The following U2AF2 variants were observed in gnomAD, a reference collection of about 807,000 sequenced individuals.
U2AF2 encodes splicing factor U2AF 65 kDa subunit.
Under a neutral mutation model 52.6 loss-of-function variants are expected in U2AF2, and 6 were observed. The ratio of observed to expected loss-of-function variants is 0.11; its 90% confidence interval spans 0.06 to 0.23. The LOEUF (loss-of-function observed/expected upper bound fraction) is 0.23. U2AF2 is among the 10% of genes least tolerant of loss of function. The pLI, the probability that U2AF2 is intolerant of heterozygous loss-of-function variation, is 1.00. For synonymous variants in U2AF2, 284 were observed against 258.2 expected (o/e 1.10, Z -0.96); for missense variants, 222 against 677.1 (o/e 0.33, Z 7.46).
At position 55,655,076 on chromosome 19, in the gene U2AF2, T is replaced by G. The variant is rs1457128147; in HGVS notation, c.-29T>G. 3 of 1,606,002 alleles carry G rather than the reference T, an allele frequency of 1.9e-6. No homozygotes were observed. Among genetic ancestry groups the G allele is most frequent in the Admixed American group, 3.3e-5 (2 of 59,718 alleles). On this transcript the variant is annotated 5_prime_UTR_variant, in exon 1 of 12. Coordinates refer to ENST00000308924, the MANE Select transcript of U2AF2 (RefSeq NM_007279.3). ...GCGGGCGGCAAGGCGAGGCGAAAGC[T>G]GCACAGGGCCCTACGCGGCCGCCTC...
At chr19:55,669,827 C>G in intron 11 of U2AF2, 135 bp downstream of exon 11, 1 of 1,346,104 alleles carries the variant, frequency 7.4e-7, no homozygotes, top group South Asian at 1.5e-5. Flanking sequence ...TCTCTCTCCT[C>G]TCGCAGCGCG....
intron 7 of U2AF2, among the ~76,000 whole-genome samples, chr19:55,665,492 G>A (rs986486252): frequency 2.5e-5 from 3 of 119,620 alleles, no homozygotes; most frequent in Admixed American, 8.0e-5. Flanking sequence ...CTACGACACA[G>A]GGATTGGCGC....
intron 6 of U2AF2, among the ~76,000 whole-genome samples, chr19:55,663,003 C>G (rs139467825): frequency 3.3e-5 from 5 of 152,130 alleles, no homozygotes; most frequent in Non-Finnish European, 7.4e-5. Flanking sequence ...CCCCAGCTAA[C>G]TGATGTTCCT....
rs761202310 is a variant in U2AF2 at position 55,660,505 on chromosome 19, A to G, written c.231-11A>G. The G allele has an allele frequency of 7.2e-6, 3 of 418,756 alleles. No homozygotes were observed. The highest frequency in any genetic ancestry group is 5.3e-5 in the African/African-American group (1 of 18,810). 25.9% of individuals were successfully genotyped at this position (418,756 alleles called of 1,614,324 possible). ...TTGCCCTGCCCCGCTCTCCCCTCCC[A>G]CCTCCCCCAGTCGTTCCCCCCGCCA... On this transcript the variant is annotated splice_polypyrimidine_tract_variant and intron_variant, in intron 3 of 11. Transcript: ENST00000308924.
At chr19:55,663,437 G>T (rs1023623595) in intron 6 of U2AF2, among the ~76,000 whole-genome samples, 169 bp from the exon 7 acceptor site, 2 of 152,182 alleles carry the variant, frequency 1.3e-5, no homozygotes, top group East Asian at 3.9e-4. Context: ...GTGAGCTCCT[G>T]GCAGCAGGGA....
rs1466600379 is a variant in U2AF2, at chr19:55,668,083, G to A, written c.743-424G>A. 6.6e-6 allele frequency among the ~76,000 whole-genome samples: 1 copy of A among 152,146 alleles called. No individual in the cohort carries two copies. Among genetic ancestry groups the A allele is most frequent in the Non-Finnish European group, 1.5e-5 (1 of 68,026 alleles). ...AGGCGTGAGCCCCCGCGCCCGGCCG[G>A]GACTGAGCTTTAATGGGAGCCTTGC... On this transcript the variant is annotated intron_variant, in intron 7 of 11. Transcript: ENST00000308924. This position sits in a 1 kb window ranked among gnomAD's most constrained non-coding sequence, Gnocchi z 5.5.
chr19:55,671,021 C>T (rs1984883818), intron 11 of U2AF2, among the ~76,000 whole-genome samples: 1 of 152,176 alleles, frequency 6.6e-6, no homozygotes, highest in African/African-American at 2.4e-5. Flanking sequence ...TCTGCAGGGC[C>T]AGATCGGGCG....
chr19:55,672,376 G>A (rs1013529243), intron 11 of U2AF2, among the ~76,000 whole-genome samples: 1 of 151,736 alleles, frequency 6.6e-6, no homozygotes. Context: ...AGGCTTATCA[G>A]GTTTATTTCA....
At position 55,669,454 on chromosome 19, in the gene U2AF2, A is replaced by G. The variant is rs749175675; in HGVS notation, c.1055A>G (p.Asn352Ser). Residue 352 changes from asparagine to serine, a missense_variant, in exon 11 of 12, where the codon AAT (asparagine) becomes AGT (serine). Physicochemically the swap from Asn to Ser is conservative, Grantham distance 46. This residue lies in a region of U2AF2 where 71 missense variants were observed against 180.6 expected (regional missense o/e 0.39). Transcript: ENST00000308924. ...ATLVSPPSTI[N>S]QTPVTLQVPG... ...CCCCTGGCCCCACAGAGCACCATCA[A>G]TCAGACGCCTGTGACCCTGCAAGTG... The G allele has an allele frequency of 1.2e-5, 19 of 1,606,176 alleles. No homozygotes were observed. Among genetic ancestry groups the G allele is most frequent in the East Asian group, 2.2e-5 (1 of 44,812 alleles).
chr19:55,673,717 C>T (rs562376587), intron 11 of U2AF2, among the ~76,000 whole-genome samples: 2 of 152,356 alleles, frequency 1.3e-5, no homozygotes, highest in East Asian at 3.9e-4. Flanking sequence ...CTTTCTCCCT[C>T]TCCATGCCTA....
At chr19:55,669,367 G>A (rs964745151) in intron 10 of U2AF2, 77 bp from the exon 11 acceptor site, 19 of 1,544,130 alleles carry the variant, frequency 1.2e-5, no homozygotes, top group South Asian at 2.5e-5. Context: ...GGGGGGGCAT[G>A]TGAGGGGCCT....
chr19:55,672,875 C>G (rs552004662), intron 11 of U2AF2, among the ~76,000 whole-genome samples: 1 of 151,970 alleles, frequency 6.6e-6, no homozygotes, highest in Non-Finnish European at 1.5e-5. Flanking sequence ...GATCTCCTGA[C>G]TTTGTGAGCC....
intron 11 of U2AF2, 103 bp downstream of exon 11, chr19:55,669,795 C>G (rs914120464): frequency 7.0e-7 from 1 of 1,434,508 alleles, no homozygotes; most frequent in African/African-American, 1.4e-5. Context: ...CCCTCCTCTT[C>G]TCCGCGCGCT....
chr19:55,663,542 G>C (rs939354189), intron 6 of U2AF2, 64 bp from the exon 7 acceptor site: 5 of 1,553,332 alleles, frequency 3.2e-6, no homozygotes, highest in Middle Eastern at 1.7e-4. Context: ...CCCAATCCTG[G>C]AACACTAGGG....
chr19:55,668,929 C>T lies in U2AF2; in HGVS notation c.945+137C>T. The stretch of plus-strand genomic sequence containing the variant: ...GCAGTGCCCTGTGTGTGGGCTCGTC[C>T]CTGTCCCATGGCGTTGGCTTTTTCC... On this transcript the variant is annotated intron_variant, in intron 9 of 11. Coordinates refer to ENST00000308924, the MANE Select transcript of U2AF2 (RefSeq NM_007279.3). This position sits in a 1 kb window ranked among gnomAD's most constrained non-coding sequence, Gnocchi z 5.5. 6.6e-7 allele frequency: 1 copy of T among 1,508,812 alleles called. No homozygotes were observed. The highest frequency in any genetic ancestry group is 8.9e-7 in the Non-Finnish European group (1 of 1,120,442). 93.5% of individuals were successfully genotyped at this position (1,508,812 alleles called of 1,614,324 possible).
intron 7 of U2AF2, chr19:55,663,978 G>A (rs1319325508): frequency 6.9e-5 from 38 of 550,624 alleles, no homozygotes; most frequent in Non-Finnish European, 1.1e-4. Context: ...CAGCTTGTAC[G>A]TGGCAGAGCC....
chr19:55,672,253 G>A (rs584405), intron 11 of U2AF2, among the ~76,000 whole-genome samples: 124,690 of 152,116 alleles, frequency 0.82, 52,509 homozygotes, highest in Non-Finnish European at 0.91. Context: ...TAGTATATGT[G>A]CTAATATTTT....
chr19:55,674,062 C>T lies in U2AF2; in HGVS notation c.1422C>T (p.Phe474=). 7.5e-7 allele frequency: 1 copy of T among 1,335,972 alleles called. No individual in the cohort carries two copies. Among genetic ancestry groups the T allele is most frequent in the Non-Finnish European group, 1.0e-6 (1 of 995,680 alleles). 82.8% of individuals were successfully genotyped at this position (1,335,972 alleles called of 1,614,324 possible). The part of the protein sequence containing the change: ...CDPDSYHRRD[F]W The stretch of plus-strand genomic sequence containing the variant: ...CCGACTCTTATCACCGCCGGGACTT[C>T]TGGTAGAGGCGGCTGGGGGAGGGTG... The change falls in exon 12 of 12, where the codon TTC becomes TTT. Residue 474 remains phenylalanine, a synonymous_variant. Transcript: ENST00000308924.
At chr19:55,657,942 T>C (rs1983901028) in intron 1 of U2AF2, among the ~76,000 whole-genome samples, 1 of 152,202 alleles carries the variant, frequency 6.6e-6, no homozygotes, top group Non-Finnish European at 1.5e-5. Context: ...AACAAAACAA[T>C]TTAGTACAGA....
Sources: allele counts gnomAD v4.1 joint callset (sites outside exome capture counted in the v4.1 genomes callset), GRCh38; gene constraint gnomAD v4.1.1; regional missense constraint gnomAD v4.1.1; non-coding constraint Gnocchi (gnomAD v3.1); transcripts MANE v1.5; gene names NCBI Gene and HGNC (gene_info 2026-07-23, HGNC 2026-07-21).